The following KIAA1328 variants were observed in gnomAD, a reference collection of about 807,000 sequenced individuals.
KIAA1328 encodes KIAA1328.
A neutral mutation model predicts 68.1 loss-of-function variants in KIAA1328; 52 were observed. The ratio of observed to expected loss-of-function variants is 0.76; its 90% CI spans 0.61 to 0.96. The LOEUF is 0.96. Among genes scored for constraint, KIAA1328 ranks in the 40% least tolerant of loss-of-function variants. The pLI is 0.00. For synonymous variants in KIAA1328, 232 were observed against 239.4 expected, an observed-to-expected ratio of 0.97 and a Z score of 0.28; for missense variants, 641 against 677.6, an observed-to-expected ratio of 0.95 and a Z score of 0.60.
chr18:36,961,407 G>A (rs2051666248), intron 6 of KIAA1328, among the ~76,000 whole-genome samples: 7 of 152,120 alleles, frequency 4.6e-5, no homozygotes, highest in Non-Finnish European at 1.5e-5. Context: ...ATATTATCCA[G>A]GAGAACTTCC....
At chr18:37,178,490 A>G (rs1401616635) in intron 9 of KIAA1328, among the ~76,000 whole-genome samples, 1 of 152,188 alleles carries the variant, frequency 6.6e-6, no homozygotes, top group Non-Finnish European at 1.5e-5. Flanking sequence ...TCATCCATTT[A>G]TGGACACTTA....
intron 5 of KIAA1328, among the ~76,000 whole-genome samples, chr18:36,926,651 A>C (rs935921281): frequency 2.0e-5 from 3 of 152,168 alleles, no homozygotes; most frequent in Non-Finnish European, 4.4e-5. Context: ...TCCACCTCCT[A>C]AAGGCAGAGA....
intron 6 of KIAA1328, among the ~76,000 whole-genome samples, chr18:36,995,964 C>T (rs532227801): frequency 1.3e-5 from 2 of 152,168 alleles, no homozygotes; most frequent in Non-Finnish European, 2.9e-5. Flanking sequence ...ATAATGATTA[C>T]TTTTGTTTAT....
chr18:36,844,232 A>G lies in KIAA1328; in HGVS notation c.262A>G (p.Ser88Gly), dbSNP rs1442764390. 1 of 1,602,156 alleles carries G rather than the reference A, an allele frequency of 6.2e-7. No individual in the cohort carries two copies. Among genetic ancestry groups the G allele is most frequent in the Non-Finnish European group, 8.5e-7 (1 of 1,174,838 alleles). Reference protein sequence around the residue: ...EQNSCRGEIKSASLKDLCLED... With the variant: ...EQNSCRGEIKGASLKDLCLED... ...GAATTCCTGCAGGGGAGAAATAAAGAGTGCATCATTGAAGGATTTATGTCT... is the reference window on the plus strand; with the variant it reads ...GAATTCCTGCAGGGGAGAAATAAAGGGTGCATCATTGAAGGATTTATGTCT... Residue 88 changes from serine (S) to glycine (G), a missense_variant, in exon 4 of 10, where the codon AGT (serine) becomes GGT (glycine). By Grantham distance (56) the Ser-to-Gly change is moderately conservative. Transcript: ENST00000280020.
At chr18:37,204,228 C>T (rs117787065) in intron 9 of KIAA1328, among the ~76,000 whole-genome samples, 2,279 of 152,250 alleles carry the variant, frequency 0.015, 38 homozygotes, top group Non-Finnish European at 0.02. Flanking sequence ...ACAACCTAAA[C>T]CTGTCAAACC....
At chr18:37,085,102 C>G (rs2057063808) in intron 7 of KIAA1328, among the ~76,000 whole-genome samples, 1 of 152,106 alleles carries the variant, frequency 6.6e-6, no homozygotes, top group Non-Finnish European at 1.5e-5. Context: ...GTGGACTGAC[C>G]TGGCTCTGGG....
intron 9 of KIAA1328, among the ~76,000 whole-genome samples, chr18:37,190,115 T>G (rs1272143676): frequency 6.6e-6 from 1 of 152,210 alleles, no homozygotes; most frequent in Non-Finnish European, 1.5e-5. Context: ...GAAATCAGTA[T>G]GCTAAATAAA....
chr18:36,944,623 G>C (rs767767795), intron 5 of KIAA1328, among the ~76,000 whole-genome samples: 7 of 152,062 alleles, frequency 4.6e-5, no homozygotes, highest in Non-Finnish European at 8.8e-5. Flanking sequence ...AAACAGAGTA[G>C]GTTCTTGGAC....
intron 6 of KIAA1328, among the ~76,000 whole-genome samples, chr18:36,971,676 A>G (rs1189895410): frequency 6.6e-6 from 1 of 152,190 alleles, no homozygotes; most frequent in Non-Finnish European, 1.5e-5. Flanking sequence ...ACCATGAAAT[A>G]CTATGCAGCC....
In KIAA1328 at chr18:37,154,754, A is replaced by G. The variant is rs577130553; in HGVS notation, c.1233-5446A>G. Among the ~76,000 whole-genome samples the G allele has an allele frequency of 1.0e-3, 156 of 152,180 alleles. 2 individuals are homozygous for G. The highest frequency in any genetic ancestry group is 3.7e-3 in the African/African-American group (154 of 41,534). On this transcript the variant is annotated intron_variant, in intron 7 of 9. Coordinates refer to ENST00000280020, the MANE Select transcript of KIAA1328 (RefSeq NM_020776.3). The stretch of plus-strand genomic sequence containing the variant: ...CTCTTTCTTTACAGCTTATATTCTC[A>G]TGTTTATCACATACACCATACCAAG...
chr18:37,108,870 C>G (rs2057848663), intron 7 of KIAA1328, among the ~76,000 whole-genome samples: 3 of 152,138 alleles, frequency 2.0e-5, no homozygotes, highest in Non-Finnish European at 4.4e-5. Flanking sequence ...TGTTGGTTTG[C>G]TGCACCCAAC....
chr18:36,974,627 T>A (rs181689558), intron 6 of KIAA1328, among the ~76,000 whole-genome samples: 1 of 152,342 alleles, frequency 6.6e-6, no homozygotes, highest in East Asian at 1.9e-4. Flanking sequence ...TGTATCTTTT[T>A]ATGTGATTAT....
intron 5 of KIAA1328, among the ~76,000 whole-genome samples, chr18:36,896,579 G>A (rs1267096426): frequency 6.6e-6 from 1 of 152,038 alleles, no homozygotes; most frequent in African/African-American, 2.4e-5. Context: ...TCAGCAAACT[G>A]AAATTCAAAA....
At chr18:36,838,197 T>C (rs2046743089) in intron 3 of KIAA1328, among the ~76,000 whole-genome samples, 1 of 152,228 alleles carries the variant, frequency 6.6e-6, no homozygotes, top group Admixed American at 6.5e-5. Context: ...TCTAATCTAA[T>C]AGTTCTTTTG....
intron 7 of KIAA1328, among the ~76,000 whole-genome samples, chr18:37,151,159 G>A (rs2059019882): frequency 6.6e-6 from 1 of 151,978 alleles, no homozygotes; most frequent in South Asian, 2.1e-4. Flanking sequence ...AATTAGCATA[G>A]AAAATAAAAG....
chr18:37,168,812 C>G (rs1335817057), intron 8 of KIAA1328, among the ~76,000 whole-genome samples: 1 of 151,888 alleles, frequency 6.6e-6, no homozygotes, highest in Non-Finnish European at 1.5e-5. Flanking sequence ...CTTTCTTGAG[C>G]TGGGAATGGG....
intron 6 of KIAA1328, among the ~76,000 whole-genome samples, chr18:36,968,683 T>C (rs374331568): frequency 6.6e-6 from 1 of 152,132 alleles, no homozygotes. Context: ...CACACAATAA[T>C]AGTGAGATAT....
intron 9 of KIAA1328, among the ~76,000 whole-genome samples, chr18:37,187,872 C>G (rs2059833762): frequency 6.6e-6 from 1 of 152,178 alleles, no homozygotes; most frequent in Non-Finnish European, 1.5e-5. Flanking sequence ...TCACCACAGT[C>G]ATGTACTTAG....
Position 36,973,334 on chromosome 18 carries a change from G to T in KIAA1328, c.576+13899G>T, listed in dbSNP as rs115263820. Among the ~76,000 whole-genome samples the T allele has an allele frequency of 8.2e-3, 1,244 of 151,868 alleles. 21 individuals carry two copies. The highest frequency in any genetic ancestry group is 0.028 in the African/African-American group (1,166 of 41,400). Reference sequence around the variant, plus strand: ...CACCAGGCCCTGCTGGGGGGTCGGGGGAGGGGCGAGGGATAGCATTAGGAG... The same window carrying T: ...CACCAGGCCCTGCTGGGGGGTCGGGTGAGGGGCGAGGGATAGCATTAGGAG... On this transcript the variant is annotated intron_variant, in intron 6 of 9. Transcript: ENST00000280020.
Sources: gnomAD v4.1 joint callset for allele counts (sites outside exome capture counted in the v4.1 genomes callset) on GRCh38, gnomAD v4.1.1 for gene constraint, MANE v1.5 for transcripts, NCBI Gene and HGNC (gene_info 2026-07-23, HGNC 2026-07-21) for gene names.